SPOCK3: variants seen among roughly 807,000 people sequenced by gnomAD.
The protein encoded by SPOCK3 is SPARC (osteonectin), cwcv and kazal like domains proteoglycan 3, also known as testican-3.
SPOCK3 carries 30 observed loss-of-function variants against 56.6 expected under a neutral mutation model. The ratio of observed to expected loss-of-function variants is 0.53; its 90% CI spans 0.40 to 0.72. SPOCK3 has a LOEUF of 0.72. Ranked by LOEUF, SPOCK3 falls within the 30% of genes least tolerant of loss-of-function variation. The pLI, the probability that SPOCK3 is intolerant of heterozygous loss-of-function variation, is 0.00. For missense variants in SPOCK3, 527 were observed against 530.0 expected, an observed-to-expected ratio of 0.99 and a Z score of 0.06; for synonymous variants, 196 against 183.3, an observed-to-expected ratio of 1.07 and a Z score of -0.56.
intron 2 of SPOCK3, among the ~76,000 whole-genome samples, chr4:167,156,062 A>G (rs1460634999): frequency 6.6e-6 from 1 of 152,182 alleles, no homozygotes; most frequent in African/African-American, 2.4e-5. Context: ...AAACAGATAA[A>G]CTTTAACAAT....
intron 4 of SPOCK3, among the ~76,000 whole-genome samples, chr4:166,943,245 C>T (rs1253200395): frequency 6.6e-6 from 1 of 152,118 alleles, no homozygotes; most frequent in Non-Finnish European, 1.5e-5. Flanking sequence ...GTTTGGAGTA[C>T]AGATATCTGT....
intron 2 of SPOCK3, among the ~76,000 whole-genome samples, chr4:167,148,938 CTACATAA>C (rs1764190870): frequency 2.0e-5 from 3 of 152,096 alleles, no homozygotes; most frequent in Admixed American, 2.0e-4. Context: ...TTAAGATGTG[CTACATAA>C]TAGACTGAAT....
chr4:167,085,282 GA>G (rs577928883), intron 2 of SPOCK3, among the ~76,000 whole-genome samples: 10 of 150,242 alleles, frequency 6.7e-5, no homozygotes, highest in South Asian at 6.3e-4. Context: ...TGAAAAGAGA[GA>G]AAAAAAAATG....
At chr4:166,929,361 C>G (rs1486874744) in intron 4 of SPOCK3, among the ~76,000 whole-genome samples, 1 of 152,148 alleles carries the variant, frequency 6.6e-6, no homozygotes, top group Non-Finnish European at 1.5e-5. Context: ...CTTCCCAGAG[C>G]TGTCAAAGTG....
chr4:166,819,055 C>A (rs1291666326), intron 6 of SPOCK3, among the ~76,000 whole-genome samples: 1 of 151,958 alleles, frequency 6.6e-6, no homozygotes, highest in Non-Finnish European at 1.5e-5. Context: ...TAAAGCAAAT[C>A]CAAATCCTTG....
intron 5 of SPOCK3, among the ~76,000 whole-genome samples, chr4:166,909,550 T>A (rs1737028406): frequency 6.6e-6 from 1 of 152,072 alleles, no homozygotes; most frequent in African/African-American, 2.4e-5. Context: ...TATCAATGCA[T>A]GGGTCAACAA....
Position 166,969,852 on chromosome 4 carries a change from C to T in SPOCK3, c.350+30497G>A, listed in dbSNP as rs987405623. Reference sequence around the variant, plus strand: ...ATTCAACAATTGGACATACCTATAGCCATTGCCTATTATGTCTTCTAGCAG... The same window carrying T: ...ATTCAACAATTGGACATACCTATAGTCATTGCCTATTATGTCTTCTAGCAG... On this transcript the variant is annotated intron_variant, in intron 4 of 10. Coordinates refer to ENST00000357545, the MANE Select transcript of SPOCK3 (RefSeq NM_001040159.2). Among the ~76,000 whole-genome samples, 3 of 152,246 alleles carry T rather than the reference C, an allele frequency of 2.0e-5. No homozygotes were observed. The South Asian group carries it at 6.2e-4, about 32-fold the overall frequency.
intron 2 of SPOCK3, among the ~76,000 whole-genome samples, chr4:167,206,615 T>G (rs1734361406): frequency 6.6e-6 from 1 of 152,110 alleles, no homozygotes; most frequent in South Asian, 2.1e-4. Flanking sequence ...ACTAAATATT[T>G]ACAGTGAAAT....
chr4:166,874,760 A>G (rs1228501120), intron 6 of SPOCK3, among the ~76,000 whole-genome samples: 1 of 152,224 alleles, frequency 6.6e-6, no homozygotes, highest in Non-Finnish European at 1.5e-5. Flanking sequence ...TATTTGGTAC[A>G]TGACGTATAT....
At chr4:166,741,951 A>T (rs1300740656) in intron 9 of SPOCK3, 46 bp downstream of exon 9, 1 of 1,301,288 alleles carries the variant, frequency 7.7e-7, no homozygotes, top group African/African-American at 1.5e-5. Context: ...CCCTGGGGTT[A>T]TTTATGTAAG....
At chr4:166,989,388 A>C (rs184543361) in intron 4 of SPOCK3, among the ~76,000 whole-genome samples, 265 of 152,218 alleles carry the variant, frequency 1.7e-3, no homozygotes, top group Admixed American at 7.8e-3. Flanking sequence ...AATATAATTT[A>C]TATTCTGTTT....
Position 166,893,421 on chromosome 4 carries a change from G to A in SPOCK3, c.475-4177C>T, listed in dbSNP as rs368465161. On this transcript the variant is annotated intron_variant, in intron 5 of 10. Coordinates refer to ENST00000357545, the MANE Select transcript of SPOCK3 (RefSeq NM_001040159.2). ...CCAGAAAATACAAATCAGCTAAAGCGAGAAAAGATACAGTTGACAATAGCC... is the reference window on the plus strand; with the variant it reads ...CCAGAAAATACAAATCAGCTAAAGCAAGAAAAGATACAGTTGACAATAGCC... 9.2e-5 allele frequency among the ~76,000 whole-genome samples: 14 copies of A among 152,158 alleles called. No homozygotes were observed. The East Asian group carries it at 2.3e-3, about 25-fold the overall frequency.
intron 6 of SPOCK3, among the ~76,000 whole-genome samples, chr4:166,802,905 T>A (rs1210740327): frequency 3.9e-5 from 6 of 152,122 alleles, no homozygotes; most frequent in Non-Finnish European, 8.8e-5. Flanking sequence ...CTAAACGCTC[T>A]TTCTTAAAAA....
intron 4 of SPOCK3, among the ~76,000 whole-genome samples, chr4:166,957,813 A>G (rs1353107364): frequency 6.6e-6 from 1 of 152,152 alleles, no homozygotes; most frequent in East Asian, 1.9e-4. Flanking sequence ...TATTTATCCA[A>G]TGTCTATGCC....
At chr4:167,220,165 A>G (rs1398929363) in intron 2 of SPOCK3, among the ~76,000 whole-genome samples, 1 of 152,190 alleles carries the variant, frequency 6.6e-6, no homozygotes, top group African/African-American at 2.4e-5. Context: ...TACGTATGAT[A>G]GTAAGTTGTG....
intron 6 of SPOCK3, among the ~76,000 whole-genome samples, chr4:166,837,027 G>T (rs1029994954): frequency 1.3e-5 from 2 of 152,158 alleles, no homozygotes; most frequent in African/African-American, 4.8e-5. Flanking sequence ...CATTGCCATG[G>T]TTCCTATACC....
chr4:167,151,927 T>A (rs1764463174), intron 2 of SPOCK3, among the ~76,000 whole-genome samples: 1 of 152,204 alleles, frequency 6.6e-6, no homozygotes, highest in Admixed American at 6.5e-5. Context: ...TTACTGCATT[T>A]TTAGTGTCAC....
chr4:167,092,511 T>G (rs1162478022), intron 2 of SPOCK3, among the ~76,000 whole-genome samples: 1 of 152,218 alleles, frequency 6.6e-6, no homozygotes, highest in African/African-American at 2.4e-5. Context: ...AAACTTGCAG[T>G]GATTTGCTTT....
At chr4:166,888,352 A>G (rs991966110) in intron 6 of SPOCK3, among the ~76,000 whole-genome samples, 3 of 152,120 alleles carry the variant, frequency 2.0e-5, no homozygotes, top group African/African-American at 7.2e-5. Flanking sequence ...AATAAATTAT[A>G]TAACTGTTGA....
Sources: allele counts gnomAD v4.1 joint callset (sites outside exome capture counted in the v4.1 genomes callset), GRCh38; gene constraint gnomAD v4.1.1; transcripts MANE v1.5; gene names NCBI Gene and HGNC (gene_info 2026-07-23, HGNC 2026-07-21).